The following KIF27 variants were observed in gnomAD, a reference collection of about 807,000 sequenced individuals.
KIF27 encodes the protein kinesin-like protein KIF27.
A neutral mutation model predicts 141.8 loss-of-function variants in KIF27; 84 were observed. The observed-to-expected ratio is 0.59, with a 90% CI of 0.50 to 0.71. The LOEUF (loss-of-function observed/expected upper bound fraction) is 0.71, where lower values mean the gene tolerates loss of function less well. Among genes scored for constraint, KIF27 ranks in the 30% least tolerant of loss-of-function variants. The pLI, the probability that KIF27 is intolerant of heterozygous loss-of-function variation, is 0.00. For synonymous variants in KIF27, 471 were observed against 569.5 expected (o/e 0.83, Z 2.46); for missense variants, 1,306 against 1,628.4 (o/e 0.80, Z 3.41).
At chr9:83,909,277 G>A (rs1187714369) in intron 2 of KIF27, among the ~76,000 whole-genome samples, 2 of 152,122 alleles carry the variant, frequency 1.3e-5, no homozygotes, top group Non-Finnish European at 2.9e-5. Flanking sequence ...TAAATAGGAA[G>A]GTCATGGTGG....
chr9:83,850,995 G>A (rs1330120231), intron 15 of KIF27, among the ~76,000 whole-genome samples: 1 of 150,610 alleles, frequency 6.6e-6, no homozygotes, highest in African/African-American at 2.4e-5. Flanking sequence ...CCGCCACCAC[G>A]CCCAGCTAAT....
chr9:83,874,935 A>AC (rs1210248608), intron 11 of KIF27, among the ~76,000 whole-genome samples: 31 of 136,304 alleles, frequency 2.3e-4, no homozygotes, highest in African/African-American at 9.2e-4. Flanking sequence ...CCTTGTCTCA[A>AC]AAAAAAAAAA....
At chr9:83,875,050 A>G (rs1455759497) in intron 11 of KIF27, among the ~76,000 whole-genome samples, 2 of 151,946 alleles carry the variant, frequency 1.3e-5, no homozygotes, top group Non-Finnish European at 2.9e-5. Flanking sequence ...CTTTTCCCTA[A>G]GCATGGATTT....
In KIF27 at chr9:83,837,680, C is replaced by G; in HGVS notation, c.3722-195G>C. 14 of 482,164 alleles carry G rather than the reference C, an allele frequency of 2.9e-5. No homozygotes were observed. The South Asian group carries it at 4.7e-4, about 16-fold the overall frequency. The allele number at this position is 482,164 out of a possible 1,614,324, so 29.9% of individuals were successfully genotyped here. A position where few individuals can be genotyped will look rare whatever the true frequency, so the allele number is the denominator to read the frequency against. ...TTTTATTTCACTTACAGGCATCTTG[C>G]ATGTGAATAACTCACAACTTTAATT... On this transcript the variant is annotated intron_variant, in intron 17 of 17. Coordinates refer to ENST00000297814, the MANE Select transcript of KIF27 (RefSeq NM_017576.4).
intron 3 of KIF27, among the ~76,000 whole-genome samples, chr9:83,907,971 A>G (rs1321523474): frequency 6.6e-6 from 1 of 152,216 alleles, no homozygotes; most frequent in Non-Finnish European, 1.5e-5. Flanking sequence ...GTGATTTAAG[A>G]GAGATTAATA....
intron 12 of KIF27, among the ~76,000 whole-genome samples, chr9:83,870,137 ATCTC>A (rs992322701): frequency 6.9e-6 from 1 of 145,420 alleles, no homozygotes; most frequent in African/African-American, 2.5e-5. Flanking sequence ...ACATCTATCT[ATCTC>A]TCTATCTATC....
chr9:83,867,823 A>C lies in KIF27; in HGVS notation c.2795T>G (p.Val932Gly). The C allele has an allele frequency of 1.2e-6, 2 of 1,607,928 alleles. No individual in the cohort carries two copies. The highest frequency in any genetic ancestry group is 1.7e-6 in the Non-Finnish European group (2 of 1,177,554). ...DEQKKWLDEEVEKVLNQRQEL... is the reference protein window; with the variant it reads ...DEQKKWLDEEGEKVLNQRQEL... Reference sequence around the variant, plus strand: ...TTGGCGTTGGTTCAGAACTTTCTCTACTTCTTCATCTAACCATTTCTTTTG... The same window carrying C: ...TTGGCGTTGGTTCAGAACTTTCTCTCCTTCTTCATCTAACCATTTCTTTTG... The change falls in exon 13 of 18, where the codon GTA (valine) becomes GGA (glycine). Residue 932 changes from valine to glycine, a missense_variant. Val to Gly is a moderately radical substitution (Grantham distance 109, BLOSUM62 -3). Coordinates refer to ENST00000297814, the MANE Select transcript of KIF27 (RefSeq NM_017576.4).
rs976440772 is a variant in KIF27, at chr9:83,921,407, T to C, written c.-124A>G. 2 of 151,916 alleles carry C rather than the reference T, an allele frequency of 1.3e-5. No individual in the cohort carries two copies. Among genetic ancestry groups the C allele is most frequent in the African/African-American group, 2.4e-5 (1 of 41,378 alleles). The allele number at this position is 151,916 out of a possible 1,614,324, so 9.4% of individuals were successfully genotyped here. A position where few individuals can be genotyped will look rare whatever the true frequency, so the allele number is the denominator to read the frequency against. ...AGCCCAGGCCCCTGTCGGCGAGCGC[T>C]GGACTCCTCAGCTTCGCTCTGCCAC... On this transcript the variant is annotated 5_prime_UTR_variant, in exon 1 of 18. Coordinates refer to ENST00000297814, the MANE Select transcript of KIF27 (RefSeq NM_017576.4).
At chr9:83,907,010 G>A (rs1432611251) in intron 3 of KIF27, among the ~76,000 whole-genome samples, 2 of 151,856 alleles carry the variant, frequency 1.3e-5, no homozygotes, top group South Asian at 2.1e-4. Flanking sequence ...AATTATATGG[G>A]CCAGGCATGG....
chr9:83,878,420 A>G (rs1049902701), intron 11 of KIF27, among the ~76,000 whole-genome samples: 1 of 152,024 alleles, frequency 6.6e-6, no homozygotes, highest in Non-Finnish European at 1.5e-5. Flanking sequence ...TACATACCCA[A>G]AGGAATTGAA....
chr9:83,910,107 T>A (rs1954997275), intron 2 of KIF27, among the ~76,000 whole-genome samples: 1 of 151,994 alleles, frequency 6.6e-6, no homozygotes, highest in Non-Finnish European at 1.5e-5. Context: ...ACATACATAA[T>A]CTTTCCCAAT....
At position 83,859,325 on chromosome 9, in the gene KIF27, A is replaced by G. The variant is rs1426447593; in HGVS notation, c.2981T>C (p.Leu994Pro). The G allele has an allele frequency of 6.2e-7, 1 of 1,614,034 alleles. No homozygotes were observed. The highest frequency in any genetic ancestry group is 8.5e-7 in the Non-Finnish European group (1 of 1,180,018). Residue 994 changes from leucine (L) to proline (P), a missense_variant, in exon 14 of 18, where the codon CTG becomes CCG. Physicochemically the swap from Leu to Pro is moderately conservative, Grantham distance 98. Transcript: ENST00000297814. ...SLKISTRLNLLEQELSEKNVQ... is the reference protein window; with the variant it reads ...SLKISTRLNLPEQELSEKNVQ... ...ATTCTTTTCAGACAACTCTTGTTCCAGTAAGTTCAGGCGAGTTGATATTTT... is the reference window on the plus strand; with the variant it reads ...ATTCTTTTCAGACAACTCTTGTTCCGGTAAGTTCAGGCGAGTTGATATTTT...
chr9:83,903,760 T>C lies in KIF27; in HGVS notation c.758A>G (p.Lys253Arg), dbSNP rs149773175. The part of the protein sequence containing the change: ...VDLAGSERVT[K>R]TGNTGERFKE... ...GAACCGTTCACCAGTATTCCCCGTT[T>C]TGGTTACTCTTTCTGATCCTGCCAA... Residue 253 changes from lysine to arginine, a missense_variant, in exon 4 of 18, where the codon AAA (lysine) becomes AGA (arginine). Lys to Arg is a conservative substitution (Grantham distance 26, BLOSUM62 2). This residue lies in a region of KIF27 where 533 missense variants were observed against 565.6 expected (regional missense o/e 0.94). Coordinates refer to ENST00000297814, the MANE Select transcript of KIF27 (RefSeq NM_017576.4). 103 of 1,614,236 alleles carry C rather than the reference T, an allele frequency of 6.4e-5. No homozygotes were observed. The African/African-American group carries it at 1.3e-3, about 20-fold the overall frequency.
intron 17 of KIF27, among the ~76,000 whole-genome samples, chr9:83,841,218 G>T (rs1260691367): frequency 1.3e-5 from 2 of 152,068 alleles, no homozygotes; most frequent in African/African-American, 2.4e-5. Flanking sequence ...TTACAGGCAT[G>T]CACCATCACA....
chr9:83,913,042 G>A (rs887157100), intron 2 of KIF27, among the ~76,000 whole-genome samples: 2 of 151,578 alleles, frequency 1.3e-5, no homozygotes, highest in Non-Finnish European at 2.9e-5. Flanking sequence ...ATATGTCCCT[G>A]TAGTCCCAGA....
rs896336939 is a variant in KIF27 at position 83,835,173 on chromosome 9, A to G, written c.*1828T>C. Among the ~76,000 whole-genome samples, 1 of 143,796 alleles carries G rather than the reference A, an allele frequency of 7.0e-6. No homozygotes were observed. The highest frequency in any genetic ancestry group is 6.8e-5 in the Admixed American group (1 of 14,746). 94.3% of individuals were successfully genotyped at this position (143,796 alleles called of 152,430 possible). A position where few individuals can be genotyped will look rare whatever the true frequency, so the allele number is the denominator to read the frequency against. ...CTTGTATATGTACAAGTGTATATAC[A>G]TATATATATATGAAATATATATAAT... On this transcript the variant is annotated 3_prime_UTR_variant, in exon 18 of 18. Transcript: ENST00000297814.
At position 83,850,217 on chromosome 9, in the gene KIF27, A is replaced by T; in HGVS notation, c.3438T>A (p.Asn1146Lys). 2 of 1,613,004 alleles carry T rather than the reference A, an allele frequency of 1.2e-6. No individual in the cohort carries two copies. The highest frequency in any genetic ancestry group is 1.7e-6 in the Non-Finnish European group (2 of 1,178,992). Residue 1146 changes from asparagine (N) to lysine (K), a missense_variant, in exon 16 of 18, where the codon AAT becomes AAA. Physicochemically the swap from Asn to Lys is moderately conservative, Grantham distance 94. Transcript: ENST00000297814. ...EMKMKVLERDNMVRELESALD... is the reference protein window; with the variant it reads ...EMKMKVLERDKMVRELESALD... ...GTGCAGATTCTAATTCACGAACCAT[A>T]TTATCCCGTTCCAGAACTTTCATTT...
At chr9:83,918,086 T>C (rs375630011) in intron 1 of KIF27, among the ~76,000 whole-genome samples, 4 of 152,176 alleles carry the variant, frequency 2.6e-5, no homozygotes, top group East Asian at 3.9e-4. Flanking sequence ...CTGGGCAATA[T>C]AGTGAGACGC....
At chr9:83,897,808 CA>C (rs1369288644) in intron 5 of KIF27, among the ~76,000 whole-genome samples, 9 of 151,978 alleles carry the variant, frequency 5.9e-5, no homozygotes, top group African/African-American at 2.2e-4. Flanking sequence ...GAGTACTTCA[CA>C]AAGGAGGATA....
Sources: gnomAD v4.1 joint callset for allele counts (sites outside exome capture counted in the v4.1 genomes callset) on GRCh38, gnomAD v4.1.1 for gene constraint, gnomAD v4.1.1 regional missense constraint, MANE v1.5 for transcripts, NCBI Gene and HGNC (gene_info 2026-07-23, HGNC 2026-07-21) for gene names.